EFNA5: variants seen among roughly 807,000 people sequenced by gnomAD.
EFNA5 encodes ephrin-A5.
A neutral mutation model predicts 22.9 loss-of-function variants in EFNA5; 5 were observed. The ratio of observed to expected loss-of-function variants is 0.22; its 90% CI spans 0.11 to 0.46. The LOEUF (loss-of-function observed/expected upper bound fraction) is 0.46. Among genes scored for constraint, EFNA5 ranks in the 20% least tolerant of loss-of-function variants. The probability of loss-of-function intolerance (pLI) is 0.99; values close to 1 mark genes in which losing one functional copy is unlikely to be tolerated. For missense variants in EFNA5, 237 were observed against 293.3 expected (o/e 0.81, Z 1.40); for synonymous variants, 113 against 112.2 (o/e 1.01, Z -0.04).
chr5:107,477,412 G>A (rs567540982), intron 1 of EFNA5, among the ~76,000 whole-genome samples: 3 of 152,182 alleles, frequency 2.0e-5, no homozygotes, highest in Middle Eastern at 3.4e-3. Flanking sequence ...AACCAAAGTC[G>A]CATATGTGAT....
At chr5:107,509,444 G>A (rs1006653090) in intron 1 of EFNA5, among the ~76,000 whole-genome samples, 7 of 150,374 alleles carry the variant, frequency 4.7e-5, no homozygotes, top group South Asian at 2.1e-4. Context: ...TCAGCCTCCC[G>A]AGTAGCTGGG....
intron 1 of EFNA5, among the ~76,000 whole-genome samples, chr5:107,488,849 G>A (rs367696636): frequency 2.4e-4 from 36 of 152,148 alleles, no homozygotes; most frequent in East Asian, 5.8e-4. Context: ...GTGCCACGAC[G>A]CCTGGCTAAT....
intron 1 of EFNA5, among the ~76,000 whole-genome samples, chr5:107,548,575 C>A (rs1324503766): frequency 6.6e-6 from 1 of 152,112 alleles, no homozygotes; most frequent in Non-Finnish European, 1.5e-5. Flanking sequence ...TCCTGTTGTA[C>A]AACGGGCTAC....
chr5:107,580,528 T>A (rs1163320829), intron 1 of EFNA5, among the ~76,000 whole-genome samples: 2 of 151,544 alleles, frequency 1.3e-5, no homozygotes, highest in African/African-American at 4.8e-5. Context: ...ATCGAGACCA[T>A]CCTGGCTAAC....
intron 1 of EFNA5, among the ~76,000 whole-genome samples, chr5:107,592,075 T>C (rs567153661): frequency 1.4e-5 from 1 of 69,720 alleles, no homozygotes; most frequent in African/African-American, 1.2e-4. Context: ...ATAATAATAA[T>C]AAATTATTAA....
At chr5:107,435,553 T>C (rs1177520063) in intron 1 of EFNA5, among the ~76,000 whole-genome samples, 1 of 152,148 alleles carries the variant, frequency 6.6e-6, no homozygotes, top group African/African-American at 2.4e-5. Flanking sequence ...ATAGTTTCAC[T>C]GTTACCCCAC....
At chr5:107,392,328 A>G (rs115306684) in intron 2 of EFNA5, among the ~76,000 whole-genome samples, 1,570 of 152,290 alleles carry the variant, frequency 0.01, 34 homozygotes, top group African/African-American at 0.036. Context: ...AAAAGACTGT[A>G]CCTTACTTCT....
intron 1 of EFNA5, among the ~76,000 whole-genome samples, chr5:107,622,393 A>T (rs894306636): frequency 6.6e-6 from 1 of 152,212 alleles, no homozygotes; most frequent in Non-Finnish European, 1.5e-5. Context: ...CAACATCTGG[A>T]TATTTGAGTA....
chr5:107,548,973 C>T (rs1273840249), intron 1 of EFNA5, among the ~76,000 whole-genome samples: 1 of 152,194 alleles, frequency 6.6e-6, no homozygotes, highest in Non-Finnish European at 1.5e-5. Context: ...AACATATACA[C>T]TTACACATAC....
chr5:107,656,209 T>TAGC (rs1419226846), intron 1 of EFNA5, among the ~76,000 whole-genome samples: 1 of 152,120 alleles, frequency 6.6e-6, no homozygotes, highest in Non-Finnish European at 1.5e-5. Flanking sequence ...AGAAACAATA[T>TAGC]AGCAGAGACA....
chr5:107,664,976 T>C lies in EFNA5; in HGVS notation c.125+5513A>G, dbSNP rs377754510. Among the ~76,000 whole-genome samples the C allele has an allele frequency of 3.7e-4, 57 of 152,346 alleles. 3 individuals are homozygous for C. The South Asian group carries it at 0.01, about 27-fold the overall frequency. ...CAAAAATGAGGAAGGTTGAGTGGTA[T>C]CTTATAAAAAATTTTTAAATTTATA... On this transcript the variant is annotated intron_variant, in intron 1 of 4. Coordinates refer to ENST00000333274, the MANE Select transcript of EFNA5 (RefSeq NM_001962.3).
At chr5:107,383,708 C>T (rs540729738) in intron 4 of EFNA5, among the ~76,000 whole-genome samples, 25 of 152,286 alleles carry the variant, frequency 1.6e-4, no homozygotes, top group African/African-American at 5.1e-4. Flanking sequence ...CTTAGATCTT[C>T]GGTGTGAACC....
intron 1 of EFNA5, among the ~76,000 whole-genome samples, chr5:107,662,007 ATAAT>A (rs1750972727): frequency 1.3e-5 from 2 of 152,164 alleles, no homozygotes; most frequent in South Asian, 2.1e-4. Flanking sequence ...ACATATATAA[ATAAT>A]TAATAAATTT....
intron 1 of EFNA5, among the ~76,000 whole-genome samples, chr5:107,504,620 C>A (rs1747213367): frequency 6.6e-6 from 1 of 152,140 alleles, no homozygotes; most frequent in African/African-American, 2.4e-5. Context: ...TTACCCTGGG[C>A]AAATCATTTA....
intron 2 of EFNA5, among the ~76,000 whole-genome samples, chr5:107,389,124 AG>A (rs1234545436): frequency 1.3e-5 from 2 of 152,154 alleles, no homozygotes; most frequent in Admixed American, 1.3e-4. Context: ...GTAGAGAAAA[AG>A]TGTTTTTGGT....
At chr5:107,636,473 A>T (rs1750375434) in intron 1 of EFNA5, among the ~76,000 whole-genome samples, 1 of 152,220 alleles carries the variant, frequency 6.6e-6, no homozygotes. Flanking sequence ...AACTTCAGGA[A>T]GCCATGACAA....
chr5:107,607,278 C>T (rs1210915245), intron 1 of EFNA5, among the ~76,000 whole-genome samples: 1 of 145,576 alleles, frequency 6.9e-6, no homozygotes, highest in Non-Finnish European at 1.5e-5. Context: ...TATGATCCTT[C>T]TCCCACCCCG....
intron 1 of EFNA5, among the ~76,000 whole-genome samples, chr5:107,525,406 A>G (rs1561422049): frequency 2.0e-5 from 3 of 152,194 alleles, no homozygotes; most frequent in Non-Finnish European, 4.4e-5. Context: ...GTTTATTTAA[A>G]GCCATGAGCA....
chr5:107,539,635 T>C (rs1039117496), intron 1 of EFNA5, among the ~76,000 whole-genome samples: 1 of 152,110 alleles, frequency 6.6e-6, no homozygotes, highest in African/African-American at 2.4e-5. Context: ...ATTTTTGTAT[T>C]TTTAGTAGAG....
Sources: gnomAD v4.1 joint callset for allele counts (sites outside exome capture counted in the v4.1 genomes callset) on GRCh38, gnomAD v4.1.1 for gene constraint, MANE v1.5 for transcripts, NCBI Gene and HGNC (gene_info 2026-07-23, HGNC 2026-07-21) for gene names.